ZNF469: variants seen among roughly 807,000 people sequenced by gnomAD.
The protein encoded by ZNF469 is zinc finger protein 469.
Under a neutral mutation model 1.0 loss-of-function variants are expected in ZNF469, and 1 was observed. That is an observed-to-expected ratio of 1.00 (90% CI 0.35 to 4.73). The LOEUF (loss-of-function observed/expected upper bound fraction) is 4.73, where lower values mean the gene tolerates loss of function less well. ZNF469 is among the 30% of genes most tolerant of loss of function. The pLI, the probability that ZNF469 is intolerant of heterozygous loss-of-function variation, is 0.16. For missense variants in ZNF469, 6,100 were observed against 5,356.3 expected (o/e 1.14, Z -4.33); for synonymous variants, 2,703 against 2,363.4 (o/e 1.14, Z -4.17).
At chr16:88,200,771 C>G in the ZNF469 span, among the ~76,000 whole-genome samples, 1 of 152,248 alleles carries the variant, frequency 6.6e-6, no homozygotes, top group African/African-American at 2.4e-5. Context: ...GATGTGTTTC[C>G]AAGTCTTCTG....
chr16:88,413,125 C>T (rs928953269), intron 1 of ZNF469, among the ~76,000 whole-genome samples: 2 of 152,174 alleles, frequency 1.3e-5, no homozygotes, highest in Non-Finnish European at 2.9e-5. Context: ...ATCCAAGGCA[C>T]GGGGGCCATA....
chr16:88,349,062 G>A, the ZNF469 span, among the ~76,000 whole-genome samples: 3 of 152,262 alleles, frequency 2.0e-5, no homozygotes, highest in East Asian at 1.9e-4. Flanking sequence ...CGCTTTACTC[G>A]GAAAGATCCA....
the ZNF469 span, among the ~76,000 whole-genome samples, chr16:88,252,192 C>A: frequency 7.5e-6 from 1 of 132,972 alleles, no homozygotes; most frequent in African/African-American, 2.7e-5. Context: ...TGGCTCCACT[C>A]TGGCGTTTCC....
Position 88,424,027 on chromosome 16 carries a change from T to C in ZNF469, c.-191-780T>C, listed in dbSNP as rs1905595323. Among the ~76,000 whole-genome samples, 1 of 152,196 alleles carries C rather than the reference T, an allele frequency of 6.6e-6. No individual in the cohort carries two copies. Among genetic ancestry groups the C allele is most frequent in the Non-Finnish European group, 1.5e-5 (1 of 68,036 alleles). Reference sequence around the variant, plus strand: ...ATCACGGAGACTGACAATTGGACAATCTCCTTCCAAAGTCAAACGCAGGTG... The same window carrying C: ...ATCACGGAGACTGACAATTGGACAACCTCCTTCCAAAGTCAAACGCAGGTG... On this transcript the variant is annotated intron_variant, in intron 1 of 2. Coordinates refer to ENST00000565624, the MANE Select transcript of ZNF469 (RefSeq NM_001367624.2). The surrounding 1 kb of genome is among the most constrained non-coding windows in gnomAD (Gnocchi z 4.3).
chr16:88,439,528 G>A lies in ZNF469; in HGVS notation c.*196G>A, dbSNP rs558044069. ...GTGGGCAGCATTCCCTTTCTTGCTG[G>A]AAGGCTGGGGGTGAAAGACGGGGCC... On this transcript the variant is annotated 3_prime_UTR_variant, in exon 3 of 3. Transcript: ENST00000565624. 4.8e-5 allele frequency: 31 copies of A among 647,028 alleles called. No individual in the cohort carries two copies. In the African/African-American group the frequency reaches 5.6e-4, roughly 12 times the overall value. 40.1% of individuals were successfully genotyped at this position (647,028 alleles called of 1,614,324 possible). A position where few individuals can be genotyped will look rare whatever the true frequency, so the allele number is the denominator to read the frequency against.
intron 1 of ZNF469, among the ~76,000 whole-genome samples, chr16:88,388,331 C>T (rs917170622): frequency 6.6e-6 from 1 of 152,246 alleles, no homozygotes; most frequent in African/African-American, 2.4e-5. Context: ...CTGGGCTGTT[C>T]GCAGGGCCAG....
At chr16:88,265,997 A>G in the ZNF469 span, among the ~76,000 whole-genome samples, 7 of 152,230 alleles carry the variant, frequency 4.6e-5, no homozygotes, top group Non-Finnish European at 8.8e-5. Context: ...GTGCCCGGCC[A>G]GCTCCCCACC....
At chr16:88,183,205 G>A in the ZNF469 span, among the ~76,000 whole-genome samples, 5 of 152,206 alleles carry the variant, frequency 3.3e-5, no homozygotes, top group Non-Finnish European at 5.9e-5. Context: ...GCCTGGAGTC[G>A]CGGGCGTTGC....
the ZNF469 span, among the ~76,000 whole-genome samples, chr16:88,323,502 G>A: frequency 7.2e-5 from 11 of 152,316 alleles, no homozygotes; most frequent in South Asian, 1.0e-3. Context: ...AGGCCCTGGC[G>A]AAATCTCTGT....
Position 88,411,449 on chromosome 16 carries a change from C to T in ZNF469, c.-191-13358C>T, listed in dbSNP as rs955285944. Reference sequence around the variant, plus strand: ...GGGCTCAGGCAGGCAGGTGAGCAGGCAGGGGTGCGAGTGGGCAGGGGTGCA... The same window carrying T: ...GGGCTCAGGCAGGCAGGTGAGCAGGTAGGGGTGCGAGTGGGCAGGGGTGCA... On this transcript the variant is annotated intron_variant, in intron 1 of 2. Transcript: ENST00000565624. 1.3e-3 allele frequency among the ~76,000 whole-genome samples: 160 copies of T among 124,728 alleles called. 1 individual carries two copies. Among genetic ancestry groups the T allele is most frequent in the African/African-American group, 4.4e-3 (149 of 34,166 alleles). The allele number at this position is 124,728 out of a possible 152,430, so 81.8% of individuals were successfully genotyped here.
At chr16:88,109,445 G>C in the ZNF469 span, among the ~76,000 whole-genome samples, 1 of 152,274 alleles carries the variant, frequency 6.6e-6, no homozygotes, top group Non-Finnish European at 1.5e-5. Flanking sequence ...ATGTCACGTG[G>C]ATCAGGCAAA....
the ZNF469 span, among the ~76,000 whole-genome samples, chr16:88,251,538 C>CTTTTTT: frequency 4.3e-3 from 218 of 51,264 alleles, 56 homozygotes; most frequent in East Asian, 0.024. Context: ...TCCCTGCTGT[C>CTTTTTT]TTTTTTTTTT....
chr16:88,120,308 C>T, the ZNF469 span, among the ~76,000 whole-genome samples: 4 of 152,358 alleles, frequency 2.6e-5, no homozygotes, highest in South Asian at 8.3e-4. Flanking sequence ...AGGCCCAGGC[C>T]CCTGCCTTCT....
In ZNF469 at chr16:88,428,274, C is replaced by T. The variant is rs1336254278; in HGVS notation, c.804C>T (p.Pro268=). ...IPKGSRPGGS[P]RGVSFQFPFP... is the part of the protein sequence containing the mutation. Reference sequence around the variant, plus strand: ...AAGGCAGCAGGCCCGGCGGCAGCCCCAGGGGAGTTTCCTTCCAGTTCCCCT... The same window carrying T: ...AAGGCAGCAGGCCCGGCGGCAGCCCTAGGGGAGTTTCCTTCCAGTTCCCCT... Residue 268 remains proline, a synonymous_variant, in exon 3 of 3, where the codon CCC becomes CCT. Transcript: ENST00000565624. 6.4e-7 allele frequency: 1 copy of T among 1,550,412 alleles called. No homozygotes were observed. Among genetic ancestry groups the T allele is most frequent in the Non-Finnish European group, 8.7e-7 (1 of 1,146,956 alleles).
chr16:88,303,085 G>A, the ZNF469 span, among the ~76,000 whole-genome samples: 7 of 152,166 alleles, frequency 4.6e-5, no homozygotes, highest in Non-Finnish European at 8.8e-5. Flanking sequence ...TGAAGGACAG[G>A]TTCCCTACTC....
the ZNF469 span, among the ~76,000 whole-genome samples, chr16:88,315,924 C>T: frequency 3.9e-5 from 6 of 152,176 alleles, no homozygotes; most frequent in African/African-American, 1.2e-4. Flanking sequence ...CTGCTCCGGA[C>T]GTTCCAGAGG....
chr16:88,254,989 C>T, the ZNF469 span, among the ~76,000 whole-genome samples: 1 of 152,214 alleles, frequency 6.6e-6, no homozygotes, highest in Non-Finnish European at 1.5e-5. Context: ...TAATTTCTCT[C>T]AATAATCTTT....
chr16:88,287,877 T>G, the ZNF469 span, among the ~76,000 whole-genome samples: 1 of 152,242 alleles, frequency 6.6e-6, no homozygotes, highest in Non-Finnish European at 1.5e-5. Context: ...TACTGAGTAC[T>G]GTCATTTCCT....
At chr16:88,269,451 C>G in the ZNF469 span, among the ~76,000 whole-genome samples, 2,235 of 152,248 alleles carry the variant, frequency 0.015, 56 homozygotes, top group African/African-American at 0.051. Context: ...CACCCTGCAG[C>G]ACATTCTTTT....
Sources: gnomAD v4.1 joint callset for allele counts (sites outside exome capture counted in the v4.1 genomes callset) on GRCh38, gnomAD v4.1.1 for gene constraint, Gnocchi (gnomAD v3.1) non-coding constraint, MANE v1.5 for transcripts, NCBI Gene and HGNC (gene_info 2026-07-23, HGNC 2026-07-21) for gene names.